The following MSRB3 variants were observed in gnomAD, a reference collection of about 807,000 sequenced individuals.
The protein encoded by MSRB3 is methionine sulfoxide reductase B3, also known as methionine-R-sulfoxide reductase B3.
In MSRB3, 13 loss-of-function variants were observed where a neutral mutation model predicts 21.0. The ratio of observed to expected loss-of-function variants is 0.62; its 90% CI spans 0.40 to 0.98. The LOEUF (loss-of-function observed/expected upper bound fraction) is 0.98, where lower values mean the gene tolerates loss of function less well. MSRB3 is among the 50% of genes least tolerant of loss of function. The pLI, the probability that MSRB3 is intolerant of heterozygous loss-of-function variation, is 0.00. For missense variants in MSRB3, 199 were observed against 230.3 expected (o/e 0.86, Z 0.88); for synonymous variants, 87 against 88.6 (o/e 0.98, Z 0.10).
At chr12:65,437,411 A>T (rs1426555604) in intron 5 of MSRB3, among the ~76,000 whole-genome samples, 3 of 151,874 alleles carry the variant, frequency 2.0e-5, no homozygotes, top group Non-Finnish European at 4.4e-5. Flanking sequence ...TTATCCTCTT[A>T]TTCTCTCAGC....
At chr12:65,284,588 A>C (rs1448032712) in intron 1 of MSRB3, 2 of 152,212 alleles carry the variant, frequency 1.3e-5, no homozygotes. Flanking sequence ...CCGAAGTGTG[A>C]AACTGGAACT....
intron 1 of MSRB3, among the ~76,000 whole-genome samples, chr12:65,296,674 C>T (rs549777803): frequency 1.7e-4 from 26 of 152,142 alleles, no homozygotes; most frequent in Non-Finnish European, 2.1e-4. Flanking sequence ...TAGGACACTA[C>T]GCACAAAGAT....
At chr12:65,362,784 G>A (rs117367394) in intron 4 of MSRB3, among the ~76,000 whole-genome samples, 1,869 of 152,178 alleles carry the variant, frequency 0.012, 39 homozygotes, top group East Asian at 0.05. Flanking sequence ...GGAGGGAGGA[G>A]GAAGCATTCC....
chr12:65,304,498 AT>A (rs577024504), intron 1 of MSRB3, among the ~76,000 whole-genome samples: 28 of 152,228 alleles, frequency 1.8e-4, no homozygotes, highest in Non-Finnish European at 3.4e-4. Flanking sequence ...TTTTAAAAAA[AT>A]AACATGTTGA....
chr12:65,428,423 G>A (rs996731543), intron 5 of MSRB3, among the ~76,000 whole-genome samples: 62 of 152,084 alleles, frequency 4.1e-4, no homozygotes, highest in African/African-American at 1.5e-3. Context: ...GGGTGCTAAA[G>A]GGAGAAAGCT....
At chr12:65,446,218 G>C (rs1039376797) in intron 5 of MSRB3, among the ~76,000 whole-genome samples, 2 of 152,166 alleles carry the variant, frequency 1.3e-5, no homozygotes, top group Admixed American at 6.5e-5. Flanking sequence ...AACTTGAAAA[G>C]TGGTCTAAGA....
At chr12:65,307,475 G>A (rs1413334668) in intron 1 of MSRB3, among the ~76,000 whole-genome samples, 2 of 152,180 alleles carry the variant, frequency 1.3e-5, no homozygotes, top group East Asian at 3.9e-4. Flanking sequence ...GGGAAGCAGG[G>A]GAAGTGGTCA....
intron 5 of MSRB3, among the ~76,000 whole-genome samples, chr12:65,423,019 A>G (rs1013041706): frequency 1.4e-5 from 2 of 147,024 alleles, no homozygotes; most frequent in Admixed American, 6.9e-5. Flanking sequence ...CTGGAGTGCA[A>G]TGGTGCAATC....
intron 5 of MSRB3, among the ~76,000 whole-genome samples, chr12:65,374,422 T>C (rs547719974): frequency 6.6e-6 from 1 of 152,340 alleles, no homozygotes; most frequent in Admixed American, 6.5e-5. Context: ...GCTGGTTGGT[T>C]GGTCCATGGT....
rs1019853821 is a variant in MSRB3, at chr12:65,431,585, TTTC to T, written c.293-22131_293-22129del. 5.9e-5 allele frequency among the ~76,000 whole-genome samples: 9 copies of T among 152,192 alleles called. No homozygotes were observed. The South Asian group carries it at 6.2e-4, about 11-fold the overall frequency. On this transcript the variant is annotated intron_variant, in intron 5 of 6. Transcript: ENST00000308259. The stretch of plus-strand genomic sequence containing the variant: ...ATGTCTTCAGATATCCTTTTACTTT[TTTC>T]TTCTTCTTCTTTTTTTAAAGTTCTT...
intron 4 of MSRB3, among the ~76,000 whole-genome samples, chr12:65,356,851 C>T (rs1877412965): frequency 6.6e-6 from 1 of 151,828 alleles, no homozygotes; most frequent in Non-Finnish European, 1.5e-5. Context: ...GATTTTCTGT[C>T]CCCAAGTTAA....
At chr12:65,378,051 A>G (rs1878730996) in intron 5 of MSRB3, among the ~76,000 whole-genome samples, 1 of 152,168 alleles carries the variant, frequency 6.6e-6, no homozygotes, top group African/African-American at 2.4e-5. Flanking sequence ...TAATTTTTTT[A>G]TGATAAGCCA....
At chr12:65,455,780 A>G (rs1219546350) in intron 6 of MSRB3, among the ~76,000 whole-genome samples, 1 of 152,148 alleles carries the variant, frequency 6.6e-6, no homozygotes, top group African/African-American at 2.4e-5. Flanking sequence ...TCTGTTGCCA[A>G]GGCTGGAGTG....
At chr12:65,406,265 C>A (rs959930980) in intron 5 of MSRB3, among the ~76,000 whole-genome samples, 3 of 152,088 alleles carry the variant, frequency 2.0e-5, no homozygotes, top group Non-Finnish European at 4.4e-5. Context: ...TGAGATGAGT[C>A]CAGTTTCATT....
In MSRB3 at chr12:65,278,870, G is replaced by C; in HGVS notation, c.-52+5G>C. The C allele has an allele frequency of 1.3e-6, 2 of 1,555,136 alleles. No individual in the cohort carries two copies. The highest frequency in any genetic ancestry group is 2.4e-5 in the South Asian group (2 of 84,236). On this transcript the variant is annotated splice_donor_5th_base_variant and intron_variant, in intron 1 of 6. Transcript: ENST00000308259. ...CTCTGGGAAGTGCGCAGTCCGGTAA[G>C]TTCGGGCTCCCCTCCCCTCTCCTCC... is the stretch of plus-strand genomic sequence containing the variant.
chr12:65,452,813 T>A (rs1882914408), intron 5 of MSRB3, among the ~76,000 whole-genome samples: 2 of 152,250 alleles, frequency 1.3e-5, no homozygotes, highest in South Asian at 4.2e-4. Context: ...CAGAAGTAAA[T>A]GTGACTTGTG....
chr12:65,364,726 T>G (rs1165260715), intron 4 of MSRB3, among the ~76,000 whole-genome samples: 1 of 152,218 alleles, frequency 6.6e-6, no homozygotes, highest in East Asian at 1.9e-4. Context: ...GTGATCATAG[T>G]TCATAGTATG....
At chr12:65,351,825 T>C (rs1335361051) in intron 4 of MSRB3, among the ~76,000 whole-genome samples, 1 of 151,830 alleles carries the variant, frequency 6.6e-6, no homozygotes, top group Non-Finnish European at 1.5e-5. Context: ...TAATCGATAG[T>C]TTACCAACCA....
intron 1 of MSRB3, among the ~76,000 whole-genome samples, chr12:65,289,121 A>G (rs1472273801): frequency 6.6e-6 from 1 of 152,120 alleles, no homozygotes; most frequent in African/African-American, 2.4e-5. Flanking sequence ...TAACTGATAA[A>G]CCTTGCTTTC....
Sources: gnomAD v4.1 joint callset for allele counts (sites outside exome capture counted in the v4.1 genomes callset) on GRCh38, gnomAD v4.1.1 for gene constraint, MANE v1.5 for transcripts, NCBI Gene and HGNC (gene_info 2026-07-23, HGNC 2026-07-21) for gene names.